RBFOX3: variants seen among roughly 807,000 people sequenced by gnomAD.
RBFOX3 encodes RNA binding fox-1 homolog 3, also known as RNA binding protein fox-1 homolog 3.
RBFOX3 carries 17 observed loss-of-function variants against 48.7 expected under a neutral mutation model. That is an observed-to-expected ratio of 0.35 (90% confidence interval 0.24 to 0.52). RBFOX3 has a LOEUF of 0.52. Among genes scored for constraint, RBFOX3 ranks in the 20% least tolerant of loss-of-function variants. The pLI, the probability that RBFOX3 is intolerant of heterozygous loss-of-function variation, is 0.94. For synonymous variants in RBFOX3, 212 were observed against 209.5 expected (o/e 1.01, Z -0.10); for missense variants, 382 against 497.5 (o/e 0.77, Z 2.21).
At chr17:79,371,910 A>C (rs7215470) in intron 2 of RBFOX3, among the ~76,000 whole-genome samples, 40,643 of 151,860 alleles carry the variant, frequency 0.27, 5,500 homozygotes, top group East Asian at 0.45. Flanking sequence ...AATTCATACC[A>C]AAACCAGGAT....
intron 3 of RBFOX3, among the ~76,000 whole-genome samples, chr17:79,307,119 C>T (rs1190315545): frequency 4.6e-5 from 7 of 152,232 alleles, no homozygotes; most frequent in South Asian, 2.1e-4. Flanking sequence ...TAAAGGTTTC[C>T]GACTCAGGCC....
Position 79,270,422 on chromosome 17 carries a change from G to A in RBFOX3, c.-73-34617C>T, listed in dbSNP as rs62062928. Reference sequence around the variant, plus strand: ...CTCCTGCACTCCCCAGCTCAAGAGCGGGCACCCCCTCCCCTGTGTTGCTCA... The same window carrying A: ...CTCCTGCACTCCCCAGCTCAAGAGCAGGCACCCCCTCCCCTGTGTTGCTCA... On this transcript the variant is annotated intron_variant, in intron 3 of 14. Coordinates refer to ENST00000693108, the MANE Select transcript of RBFOX3 (RefSeq NM_001350451.2). 2.1e-3 allele frequency among the ~76,000 whole-genome samples: 326 copies of A among 152,226 alleles called. 1 individual carries two copies. The highest frequency in any genetic ancestry group is 3.6e-3 in the Non-Finnish European group (248 of 68,006).
intron 2 of RBFOX3, among the ~76,000 whole-genome samples, chr17:79,322,966 C>A (rs2078769081): frequency 6.6e-6 from 1 of 152,192 alleles, no homozygotes; most frequent in African/African-American, 2.4e-5. Context: ...GCCCTGAGCT[C>A]ACTTGTCACA....
intron 4 of RBFOX3, among the ~76,000 whole-genome samples, chr17:79,187,212 A>G (rs1207544381): frequency 6.6e-6 from 1 of 152,202 alleles, no homozygotes; most frequent in Non-Finnish European, 1.5e-5. Flanking sequence ...GAAATTCCCA[A>G]GGTGGCAAGT....
intron 4 of RBFOX3, among the ~76,000 whole-genome samples, chr17:79,155,586 T>C (rs2045591642): frequency 6.6e-6 from 1 of 152,032 alleles, no homozygotes; most frequent in Non-Finnish European, 1.5e-5. Context: ...GGGCCACAGC[T>C]GGGGGCAGGG....
At chr17:79,488,634 G>T (rs1030085413) in intron 1 of RBFOX3, among the ~76,000 whole-genome samples, 20 of 152,228 alleles carry the variant, frequency 1.3e-4, no homozygotes, top group African/African-American at 3.1e-4. Context: ...GATCCTTTCC[G>T]CATCAACTCA....
chr17:79,229,058 C>T (rs1015584395), intron 4 of RBFOX3, among the ~76,000 whole-genome samples: 66 of 148,230 alleles, frequency 4.5e-4, no homozygotes, highest in African/African-American at 1.6e-3. Context: ...GAAATCCCAT[C>T]TCTACTAAAA....
At chr17:79,499,706 T>G (rs1400711087) in intron 1 of RBFOX3, among the ~76,000 whole-genome samples, 1 of 152,236 alleles carries the variant, frequency 6.6e-6, no homozygotes, top group African/African-American at 2.4e-5. Flanking sequence ...GGGGCAATAA[T>G]AACTTTCTCA....
the RBFOX3 span, among the ~76,000 whole-genome samples, chr17:79,624,917 C>T: frequency 1.3e-3 from 192 of 150,906 alleles, 2 homozygotes; most frequent in African/African-American, 4.5e-3. Flanking sequence ...CACCACGAAG[C>T]GCCCCAAGGG....
At chr17:79,273,795 C>A (rs112330063) in intron 3 of RBFOX3, among the ~76,000 whole-genome samples, 158 of 152,334 alleles carry the variant, frequency 1.0e-3, no homozygotes, top group African/African-American at 3.5e-3. Context: ...ACAGAAAGAG[C>A]TGGGCTGCAG....
chr17:79,656,776 AGG>A, the RBFOX3 span, among the ~76,000 whole-genome samples: 12 of 31,254 alleles, frequency 3.8e-4, no homozygotes, highest in Non-Finnish European at 9.3e-4. Context: ...GAAGGAAGGA[AGG>A]AAAGAAAGAA....
intron 2 of RBFOX3, among the ~76,000 whole-genome samples, chr17:79,407,725 C>G (rs1019148274): frequency 6.6e-6 from 1 of 152,028 alleles, no homozygotes; most frequent in Non-Finnish European, 1.5e-5. Context: ...GCTAGGCGGC[C>G]GGGAGCAGGA....
At chr17:79,091,132 C>T (rs1484592945) in intron 14 of RBFOX3, among the ~76,000 whole-genome samples, 1 of 152,194 alleles carries the variant, frequency 6.6e-6, no homozygotes, top group East Asian at 1.9e-4. Context: ...CTGAGCAGGG[C>T]AGGGTGAGTG....
chr17:79,160,176 C>T (rs1026867870), intron 4 of RBFOX3, among the ~76,000 whole-genome samples: 1 of 152,240 alleles, frequency 6.6e-6, no homozygotes, highest in African/African-American at 2.4e-5. Context: ...TAGCTCCAGG[C>T]CGGGAGGAAA....
At chr17:79,338,763 C>G (rs550256607) in intron 2 of RBFOX3, among the ~76,000 whole-genome samples, 1 of 152,340 alleles carries the variant, frequency 6.6e-6, no homozygotes, top group Middle Eastern at 3.4e-3. Flanking sequence ...ATGCAGTCAG[C>G]TGTGTGTTCC....
rs1162356531 is a variant in RBFOX3 at position 79,254,405 on chromosome 17, C to T, written c.-73-18600G>A. On this transcript the variant is annotated intron_variant, in intron 3 of 14. Coordinates refer to ENST00000693108, the MANE Select transcript of RBFOX3 (RefSeq NM_001350451.2). This position sits in a 1 kb window ranked among gnomAD's most constrained non-coding sequence, Gnocchi z 4.8. The stretch of plus-strand genomic sequence containing the variant: ...TCCACATACCCCCAAACCTGCCCCC[C>T]AATCCAGGACACATGGCACCAGGGC... Among the ~76,000 whole-genome samples, 1 of 152,048 alleles carries T rather than the reference C, an allele frequency of 6.6e-6. No individual in the cohort carries two copies. Among genetic ancestry groups the T allele is most frequent in the Non-Finnish European group, 1.5e-5 (1 of 68,012 alleles).
In RBFOX3 at chr17:79,301,288, G is replaced by A. The variant is rs554345803; in HGVS notation, c.-74+6436C>T. On this transcript the variant is annotated intron_variant, in intron 3 of 14. Coordinates refer to ENST00000693108, the MANE Select transcript of RBFOX3 (RefSeq NM_001350451.2). ...AACAGGTCCAGCCCTCTGGGGCTGC[G>A]AGTTGTCCATCTGGGCCACACCCGG... 5.3e-5 allele frequency among the ~76,000 whole-genome samples: 8 copies of A among 152,350 alleles called. No homozygotes were observed. The South Asian group carries it at 1.5e-3, about 28-fold the overall frequency.
Position 79,204,587 on chromosome 17 carries a change from C to T in RBFOX3, c.-34+31179G>A, listed in dbSNP as rs1313267241. Among the ~76,000 whole-genome samples the T allele has an allele frequency of 6.6e-6, 1 of 152,092 alleles. No individual in the cohort carries two copies. The highest frequency in any genetic ancestry group is 1.5e-5 in the Non-Finnish European group (1 of 68,004). On this transcript the variant is annotated intron_variant, in intron 4 of 14. Transcript: ENST00000693108. This position sits in a 1 kb window ranked among gnomAD's most constrained non-coding sequence, Gnocchi z 4.5. ...GCCCCAGATGCTGTGAACAGAGAAC[C>T]CACTAGATGACTCTGTGTCCCAGAA...
rs1324029171 is a variant in RBFOX3 at position 79,471,854 on chromosome 17, G to A, written c.-175+10600C>T. ...CGGGATCCCACCGTTCTCCAGGGTC[G>A]AGGGAGAACACTTCAAGAGAGGCGA... On this transcript the variant is annotated intron_variant, in intron 2 of 14. Transcript: ENST00000693108. The surrounding 1 kb of genome is among the most constrained non-coding windows in gnomAD (Gnocchi z 4.0). Among the ~76,000 whole-genome samples, 4 of 152,128 alleles carry A rather than the reference G, an allele frequency of 2.6e-5. No individual in the cohort carries two copies. Among genetic ancestry groups the A allele is most frequent in the African/African-American group, 4.8e-5 (2 of 41,406 alleles).
Sources: gnomAD v4.1 joint callset for allele counts (sites outside exome capture counted in the v4.1 genomes callset) on GRCh38, gnomAD v4.1.1 for gene constraint, Gnocchi (gnomAD v3.1) non-coding constraint, MANE v1.5 for transcripts, NCBI Gene and HGNC (gene_info 2026-07-23, HGNC 2026-07-21) for gene names.